Variants in BMERB1 observed in about 807,000 individuals in gnomAD.
BMERB1 encodes bMERB domain containing 1.
A neutral mutation model predicts 23.6 loss-of-function variants in BMERB1; 12 were observed. That is an observed-to-expected ratio of 0.51 (90% CI 0.33 to 0.82). The LOEUF is 0.82. BMERB1 is among the 40% of genes least tolerant of loss of function. BMERB1 has a pLI of 0.03. For synonymous variants in BMERB1, 122 were observed against 96.6 expected, an observed-to-expected ratio of 1.26 and a Z score of -1.54; for missense variants, 247 against 255.4, an observed-to-expected ratio of 0.97 and a Z score of 0.22.
chr16:15,503,070 C>T (rs2150944028), intron 1 of BMERB1, among the ~76,000 whole-genome samples: 1 of 152,226 alleles, frequency 6.6e-6, no homozygotes, highest in South Asian at 2.1e-4. Context: ...TTAGATTCAA[C>T]CAATTATGGA....
chr16:15,583,576 TCA>T (rs2031069201), intron 5 of BMERB1, among the ~76,000 whole-genome samples: 1 of 61,758 alleles, frequency 1.6e-5, no homozygotes, highest in Admixed American at 1.9e-4. Context: ...AGACTTTGTC[TCA>T]AAAAAAAAAA....
chr16:15,507,884 A>C (rs1488339322), intron 1 of BMERB1, among the ~76,000 whole-genome samples: 1 of 152,166 alleles, frequency 6.6e-6, no homozygotes, highest in Non-Finnish European at 1.5e-5. Flanking sequence ...GGAGGCAGGG[A>C]ATTGTTTCTT....
intron 1 of BMERB1, among the ~76,000 whole-genome samples, chr16:15,495,069 A>T (rs966831645): frequency 9.9e-5 from 15 of 151,214 alleles, no homozygotes; most frequent in African/African-American, 3.6e-4. Context: ...TTTTTAGTAA[A>T]GGTGGGGTTT....
intron 1 of BMERB1, among the ~76,000 whole-genome samples, chr16:15,480,243 G>T (rs1299471168): frequency 6.6e-6 from 1 of 150,894 alleles, no homozygotes; most frequent in East Asian, 2.0e-4. Context: ...CTCCCAAGTA[G>T]CTGGACTACA....
At chr16:15,582,834 G>C (rs2031050014) in intron 4 of BMERB1, among the ~76,000 whole-genome samples, 1 of 152,128 alleles carries the variant, frequency 6.6e-6, no homozygotes, top group South Asian at 2.1e-4. Context: ...CAGGTGAATA[G>C]GGTGGCTTCA....
intron 1 of BMERB1, among the ~76,000 whole-genome samples, chr16:15,478,759 G>A (rs143292037): frequency 1.3e-5 from 2 of 152,234 alleles, no homozygotes; most frequent in South Asian, 2.1e-4. Context: ...ATTCTTCATG[G>A]CCATGTATTC....
chr16:15,532,696 C>T lies in BMERB1; in HGVS notation c.230+17268C>T, dbSNP rs544576253. Among the ~76,000 whole-genome samples, 9 of 152,132 alleles carry T rather than the reference C, an allele frequency of 5.9e-5. No homozygotes were observed. In the East Asian group the frequency reaches 1.7e-3, roughly 30 times the overall value. ...AAGTAGCTGGGACTATAGGCACCTG[C>T]CACCATGCCCGGCTAATTTTTTGTA... On this transcript the variant is annotated intron_variant, in intron 2 of 5. Coordinates refer to ENST00000300006, the MANE Select transcript of BMERB1 (RefSeq NM_033201.3).
At chr16:15,437,552 T>C (rs1421012670) in intron 1 of BMERB1, among the ~76,000 whole-genome samples, 1 of 152,154 alleles carries the variant, frequency 6.6e-6, no homozygotes, top group Non-Finnish European at 1.5e-5. Flanking sequence ...TATCTTAACA[T>C]TTTATGAGAA....
At chr16:15,582,539 AC>A (rs932587392) in intron 4 of BMERB1, among the ~76,000 whole-genome samples, 2 of 151,124 alleles carry the variant, frequency 1.3e-5, no homozygotes, top group Non-Finnish European at 2.9e-5. Context: ...ACATAGTGAG[AC>A]CCCCCTATCT....
At chr16:15,518,766 TTTA>T (rs1164852311) in intron 2 of BMERB1, among the ~76,000 whole-genome samples, 1 of 150,784 alleles carries the variant, frequency 6.6e-6, no homozygotes, top group African/African-American at 2.4e-5. Context: ...CTCCAGAATG[TTTA>T]TTAAGTGAAT....
intron 1 of BMERB1, among the ~76,000 whole-genome samples, chr16:15,486,249 G>A (rs2051367486): frequency 6.6e-6 from 1 of 150,794 alleles, no homozygotes; most frequent in Admixed American, 6.6e-5. Context: ...ATCGGGTTAC[G>A]TTTGAGGATT....
At chr16:15,491,056 C>T (rs1236400355) in intron 1 of BMERB1, among the ~76,000 whole-genome samples, 1 of 152,008 alleles carries the variant, frequency 6.6e-6, no homozygotes, top group Non-Finnish European at 1.5e-5. Flanking sequence ...TGATATATTG[C>T]CCAGGCTGGT....
intron 5 of BMERB1, 37 bp downstream of exon 5, chr16:15,583,275 A>G: frequency 8.7e-6 from 13 of 1,490,426 alleles, no homozygotes; most frequent in Non-Finnish European, 1.2e-5. Context: ...TCCCCCACAA[A>G]AGAGAAAAGT....
intron 2 of BMERB1, among the ~76,000 whole-genome samples, chr16:15,541,444 TTGAGACAGGGTCTCACTC>T (rs2052078905): frequency 7.4e-6 from 1 of 134,376 alleles, no homozygotes; most frequent in Non-Finnish European, 1.6e-5. Flanking sequence ...TTTTTTTTTT[TTGAGACAGGGTCTCACTC>T]TGTCACCCAG....
chr16:15,481,119 AAT>A (rs1299583673), intron 1 of BMERB1, among the ~76,000 whole-genome samples: 1 of 152,202 alleles, frequency 6.6e-6, no homozygotes, highest in Non-Finnish European at 1.5e-5. Flanking sequence ...CAGAAGATCT[AAT>A]TGTATCATCA....
At chr16:15,553,003 C>T (rs1410651329) in intron 2 of BMERB1, among the ~76,000 whole-genome samples, 2 of 152,054 alleles carry the variant, frequency 1.3e-5, no homozygotes, top group Admixed American at 1.3e-4. Flanking sequence ...GTGAGACCCC[C>T]ATCTCTACCA....
At chr16:15,439,450 A>T (rs1453470684) in intron 1 of BMERB1, among the ~76,000 whole-genome samples, 1 of 152,178 alleles carries the variant, frequency 6.6e-6, no homozygotes, top group East Asian at 1.9e-4. Flanking sequence ...ACAGAAGGGG[A>T]TTGCCCCAGC....
chr16:15,534,715 C>T (rs2052009628), intron 2 of BMERB1, among the ~76,000 whole-genome samples: 1 of 152,170 alleles, frequency 6.6e-6, no homozygotes, highest in Admixed American at 6.5e-5. Flanking sequence ...GCCTTTTCCA[C>T]ACACGGGGTC....
intron 1 of BMERB1, among the ~76,000 whole-genome samples, chr16:15,509,970 C>T (rs1315688217): frequency 6.6e-6 from 1 of 152,114 alleles, no homozygotes; most frequent in Non-Finnish European, 1.5e-5. Flanking sequence ...GAGGAAGAAC[C>T]TGTGAAAACA....
Sources: allele counts gnomAD v4.1 joint callset (sites outside exome capture counted in the v4.1 genomes callset), GRCh38; gene constraint gnomAD v4.1.1; transcripts MANE v1.5; gene names NCBI Gene and HGNC (gene_info 2026-07-23, HGNC 2026-07-21).